Variants in LIN28B observed in about 807,000 individuals in gnomAD.
LIN28B encodes the protein lin-28 RNA binding posttranscriptional regulator B.
LIN28B carries 5 observed loss-of-function variants against 21.9 expected under a neutral mutation model. That is an observed-to-expected ratio of 0.23 (90% confidence interval 0.12 to 0.48). The LOEUF is 0.48. LIN28B is among the 20% of genes least tolerant of loss of function. The pLI, the probability that LIN28B is intolerant of heterozygous loss-of-function variation, is 0.98. For missense variants in LIN28B, 245 were observed against 310.5 expected (o/e 0.79, Z 1.58); for synonymous variants, 109 against 111.3 (o/e 0.98, Z 0.13).
chr6:104,977,568 TTTG>T (rs150390729), intron 2 of LIN28B, among the ~76,000 whole-genome samples: 11 of 151,632 alleles, frequency 7.3e-5, no homozygotes, highest in East Asian at 1.9e-4. Flanking sequence ...CCTTTCTCTT[TTTG>T]TTGTTGTTGT....
chr6:105,043,611 G>T (rs2114370463), intron 3 of LIN28B, among the ~76,000 whole-genome samples: 1 of 150,624 alleles, frequency 6.6e-6, no homozygotes, highest in South Asian at 2.1e-4. Context: ...TAGAGACAGG[G>T]TCTCACTCTC....
rs564235568 is a variant in LIN28B, at chr6:105,053,996, G to A, written c.384-24418G>A. 7.2e-5 allele frequency among the ~76,000 whole-genome samples: 11 copies of A among 152,148 alleles called. No homozygotes were observed. The East Asian group carries it at 1.4e-3, about 19-fold the overall frequency. ...TGATCTCAGGTGATCCACCTGCCTC[G>A]GCCTCCCAAAGTACTGGGATTACAG... On this transcript the variant is annotated intron_variant, in intron 3 of 3. Coordinates refer to ENST00000345080, the MANE Select transcript of LIN28B (RefSeq NM_001004317.4).
intron 2 of LIN28B, among the ~76,000 whole-genome samples, chr6:104,941,807 T>G (rs564932237): frequency 1.3e-5 from 2 of 152,368 alleles, no homozygotes; most frequent in African/African-American, 4.8e-5. Flanking sequence ...GACTACTGAC[T>G]GGAACATTGG....
chr6:105,019,439 T>G (rs567439049), intron 2 of LIN28B, among the ~76,000 whole-genome samples: 2 of 152,314 alleles, frequency 1.3e-5, no homozygotes, highest in South Asian at 4.1e-4. Context: ...GATATTTCCT[T>G]CAGTCTCTTT....
intron 3 of LIN28B, among the ~76,000 whole-genome samples, chr6:105,049,101 T>C (rs974573900): frequency 6.6e-6 from 1 of 152,224 alleles, no homozygotes; most frequent in African/African-American, 2.4e-5. Flanking sequence ...TCTTTTGTGA[T>C]GTTAGAGTGT....
At chr6:105,011,615 C>T (rs892470297) in intron 2 of LIN28B, among the ~76,000 whole-genome samples, 5 of 152,070 alleles carry the variant, frequency 3.3e-5, no homozygotes, top group African/African-American at 9.7e-5. Flanking sequence ...TTTGGGAGGC[C>T]GAGGCAGGCA....
chr6:105,017,727 G>A (rs1185258451), intron 2 of LIN28B, among the ~76,000 whole-genome samples: 3 of 151,852 alleles, frequency 2.0e-5, no homozygotes, highest in Non-Finnish European at 4.4e-5. Context: ...AATAGACACC[G>A]GGGACTACTA....
At chr6:105,070,232 A>G (rs934625739) in intron 3 of LIN28B, among the ~76,000 whole-genome samples, 1 of 152,152 alleles carries the variant, frequency 6.6e-6, no homozygotes, top group African/African-American at 2.4e-5. Context: ...ATTGGTCTAG[A>G]GTAGGACCAA....
intron 3 of LIN28B, among the ~76,000 whole-genome samples, chr6:105,036,263 A>G (rs1771519561): frequency 6.6e-6 from 1 of 152,186 alleles, no homozygotes; most frequent in African/African-American, 2.4e-5. Context: ...TGTACTTCCT[A>G]CTAATGACTG....
chr6:105,004,211 C>T lies in LIN28B; in HGVS notation c.199-22087C>T, dbSNP rs1016098789. On this transcript the variant is annotated intron_variant, in intron 2 of 3. Coordinates refer to ENST00000345080, the MANE Select transcript of LIN28B (RefSeq NM_001004317.4). ...GTGACCACCCAGATTAAGGGTGGGT[C>T]TGCCTTTCCCAGCCCACTGACTCAA... Among the ~76,000 whole-genome samples, 16 of 152,290 alleles carry T rather than the reference C, an allele frequency of 1.1e-4. 1 individual carries two copies. Among genetic ancestry groups the T allele is most frequent in the Admixed American group, 6.5e-4 (10 of 15,298 alleles).
chr6:104,952,553 TAAAAAA>T (rs1475847973), upstream of LIN28B, among the ~76,000 whole-genome samples: 1 of 152,184 alleles, frequency 6.6e-6, no homozygotes, highest in Non-Finnish European at 1.5e-5. Flanking sequence ...TAAAAAAAGT[TAAAAAA>T]TTCTTTCTTC....
chr6:105,080,220 G>C lies in LIN28B; in HGVS notation c.*1437G>C, dbSNP rs1001785963. On this transcript the variant is annotated 3_prime_UTR_variant, in exon 4 of 4. Transcript: ENST00000345080. Reference sequence around the variant, plus strand: ...CGGTCATGGAAAAAAAAATTATTTTGGGGTCATCCTGGCTCTAGATGTTAT... The same window carrying C: ...CGGTCATGGAAAAAAAAATTATTTTCGGGTCATCCTGGCTCTAGATGTTAT... The C allele has an allele frequency of 1.3e-5, 2 of 152,506 alleles. No individual in the cohort carries two copies. The highest frequency in any genetic ancestry group is 1.3e-4 in the Admixed American group (2 of 15,260). 9.4% of individuals were successfully genotyped at this position (152,506 alleles called of 1,614,324 possible).
chr6:104,946,862 CAA>C (rs572838889), intron 2 of LIN28B, among the ~76,000 whole-genome samples: 6 of 151,924 alleles, frequency 3.9e-5, no homozygotes, highest in Admixed American at 1.3e-4. Flanking sequence ...ATAACAGAAA[CAA>C]AAAATTATCT....
At chr6:104,987,478 G>A (rs1008751786) in intron 2 of LIN28B, among the ~76,000 whole-genome samples, 1 of 151,866 alleles carries the variant, frequency 6.6e-6, no homozygotes, top group African/African-American at 2.4e-5. Flanking sequence ...TTAGTAGCTG[G>A]GACTACAGGC....
chr6:104,937,359 G>C (rs1012316275), intron 2 of LIN28B, among the ~76,000 whole-genome samples: 1 of 152,084 alleles, frequency 6.6e-6, no homozygotes, highest in Admixed American at 6.5e-5. Flanking sequence ...CCGCAGTCTC[G>C]GCTCGCTGCA....
intron 2 of LIN28B, chr6:104,940,443 G>C (rs1422079142): frequency 6.5e-6 from 1 of 154,736 alleles, no homozygotes. Context: ...ACAAACGGCG[G>C]CAGCGGCCGT....
At chr6:105,029,289 G>A (rs1771367212) in intron 3 of LIN28B, among the ~76,000 whole-genome samples, 1 of 152,210 alleles carries the variant, frequency 6.6e-6, no homozygotes, top group South Asian at 2.1e-4. Context: ...ATGTTCATAG[G>A]AATGGTCTAG....
intron 2 of LIN28B, among the ~76,000 whole-genome samples, chr6:104,960,360 G>A (rs1582865234): frequency 6.6e-6 from 1 of 152,218 alleles, no homozygotes; most frequent in African/African-American, 2.4e-5. Flanking sequence ...ATGGAATAAG[G>A]TTGCAATTCA....
At chr6:105,031,456 G>A (rs929238646) in intron 3 of LIN28B, among the ~76,000 whole-genome samples, 4 of 151,886 alleles carry the variant, frequency 2.6e-5, no homozygotes, top group African/African-American at 9.7e-5. Context: ...AAATTTGGAA[G>A]TAAGCATTGG....
Sources: allele counts gnomAD v4.1 joint callset (sites outside exome capture counted in the v4.1 genomes callset), GRCh38; gene constraint gnomAD v4.1.1; transcripts MANE v1.5; gene names NCBI Gene and HGNC (gene_info 2026-07-23, HGNC 2026-07-21).